ZC3H18: variants seen among roughly 807,000 people sequenced by gnomAD.
ZC3H18 encodes zinc finger CCCH domain-containing protein 18.
In ZC3H18, 8 loss-of-function variants were observed where a neutral mutation model predicts 106.1. The ratio of observed to expected loss-of-function variants is 0.08; its 90% CI spans 0.04 to 0.14. The LOEUF (loss-of-function observed/expected upper bound fraction) is 0.14, where lower values mean the gene tolerates loss of function less well. Among genes scored for constraint, ZC3H18 ranks in the 10% least tolerant of loss-of-function variants. The probability of loss-of-function intolerance (pLI) is 1.00; values close to 1 mark genes in which losing one functional copy is unlikely to be tolerated. For missense variants in ZC3H18, 1,318 were observed against 1,278.4 expected (o/e 1.03, Z -0.47); for synonymous variants, 635 against 522.1 (o/e 1.22, Z -2.95).
intron 6 of ZC3H18, among the ~76,000 whole-genome samples, chr16:88,607,810 G>A (rs930975550): frequency 2.6e-5 from 4 of 151,726 alleles, no homozygotes; most frequent in African/African-American, 7.3e-5. Flanking sequence ...TTCATGTCAG[G>A]CGTCTCCCCA....
intron 1 of ZC3H18, among the ~76,000 whole-genome samples, chr16:88,575,010 T>A (rs1209665674): frequency 2.6e-5 from 4 of 151,014 alleles, no homozygotes; most frequent in Non-Finnish European, 3.0e-5. Flanking sequence ...TTTGTATATT[T>A]AGTAGAGACG....
intron 8 of ZC3H18, among the ~76,000 whole-genome samples, chr16:88,619,196 G>T (rs1050124043): frequency 3.9e-5 from 6 of 152,102 alleles, no homozygotes; most frequent in African/African-American, 1.4e-4. Flanking sequence ...GCAGGAGAAT[G>T]GCATGAGGCA....
chr16:88,607,729 A>C (rs748839811), intron 6 of ZC3H18, among the ~76,000 whole-genome samples: 1 of 139,772 alleles, frequency 7.2e-6, no homozygotes, highest in African/African-American at 2.8e-5. Context: ...CACACACTTC[A>C]TGTCTCTCAG....
chr16:88,627,806 T>A lies in ZC3H18; in HGVS notation c.2269+24T>A. The A allele has an allele frequency of 6.2e-7, 1 of 1,609,840 alleles. No individual in the cohort carries two copies. The highest frequency in any genetic ancestry group is 1.1e-5 in the South Asian group (1 of 90,994). ...AGGTACTCAGGAGCCCTGGTACCTT[T>A]GGGGAGCAGCTCCCGGGGGAGGAGG... On this transcript the variant is annotated intron_variant, in intron 14 of 17. Transcript: ENST00000301011. The surrounding 1 kb of genome is among the most constrained non-coding windows in gnomAD (Gnocchi z 4.5).
chr16:88,602,401 G>T (rs1267069570), intron 6 of ZC3H18, among the ~76,000 whole-genome samples: 1 of 152,244 alleles, frequency 6.6e-6, no homozygotes, highest in African/African-American at 2.4e-5. Context: ...CACAGGTGAG[G>T]AGAGTGCAAC....
intron 16 of ZC3H18, among the ~76,000 whole-genome samples, chr16:88,629,979 C>T (rs1333503364): frequency 2.0e-5 from 3 of 152,238 alleles, no homozygotes; most frequent in Non-Finnish European, 4.4e-5. Context: ...CTGGAACAGC[C>T]TTGCTGCCCT....
intron 6 of ZC3H18, 130 bp from the exon 7 acceptor site, chr16:88,608,804 C>A (rs1905135841): frequency 3.0e-6 from 2 of 668,450 alleles, no homozygotes; most frequent in Non-Finnish European, 5.1e-6. Flanking sequence ...TAACCTTGAG[C>A]CAACCTTGCG....
rs549153636 is a variant in ZC3H18 at position 88,581,137 on chromosome 16, CTT to C, written c.603+3415_603+3416del. On this transcript the variant is annotated intron_variant, in intron 2 of 17. Transcript: ENST00000301011. ...GCCGTTTGATTTGGCATTCTTTTCTCTTTTTCTTAGTTTTGATTTTTAATTTT... is the reference window on the plus strand; with the variant it reads ...GCCGTTTGATTTGGCATTCTTTTCTCTTTCTTAGTTTTGATTTTTAATTTT... Among the ~76,000 whole-genome samples the C allele has an allele frequency of 4.1e-3, 630 of 152,308 alleles. 5 individuals are homozygous for C. The highest frequency in any genetic ancestry group is 6.3e-3 in the Non-Finnish European group (427 of 68,032).
chr16:88,618,775 A>G (rs533623260), intron 8 of ZC3H18, among the ~76,000 whole-genome samples: 16 of 152,220 alleles, frequency 1.1e-4, no homozygotes, highest in Admixed American at 9.2e-4. Flanking sequence ...GTCAGAGGTC[A>G]TCTGGAGGGT....
chr16:88,586,423 G>A (rs1049209196), intron 2 of ZC3H18, among the ~76,000 whole-genome samples, 177 bp from the exon 3 acceptor site: 3 of 152,178 alleles, frequency 2.0e-5, no homozygotes, highest in Non-Finnish European at 2.9e-5. Context: ...TGCCGGGCAC[G>A]CTCTGATCAT....
Position 88,570,441 on chromosome 16 carries a change from C to G in ZC3H18, c.-140C>G, listed in dbSNP as rs1009251443. The G allele has an allele frequency of 3.3e-5, 5 of 152,048 alleles. No individual in the cohort carries two copies. The highest frequency in any genetic ancestry group is 7.4e-5 in the Non-Finnish European group (5 of 67,988). The allele number at this position is 152,048 out of a possible 1,614,324, so 9.4% of individuals were successfully genotyped here. ...GGCCGGCCCCCGCGGGTAGTGGAGCCCGTTTGTTCCGCCCGTGTCGAGCCT... is the reference window on the plus strand; with the variant it reads ...GGCCGGCCCCCGCGGGTAGTGGAGCGCGTTTGTTCCGCCCGTGTCGAGCCT... On this transcript the variant is annotated 5_prime_UTR_variant, in exon 1 of 18. Coordinates refer to ENST00000301011, the MANE Select transcript of ZC3H18 (RefSeq NM_144604.4).
At chr16:88,591,364 G>A (rs1312718079) in intron 3 of ZC3H18, among the ~76,000 whole-genome samples, 1 of 152,144 alleles carries the variant, frequency 6.6e-6, no homozygotes, top group African/African-American at 2.4e-5. Context: ...CTCAAGGTTA[G>A]GAGTTCGAGA....
At chr16:88,600,566 A>G (rs1473714646) in intron 6 of ZC3H18, among the ~76,000 whole-genome samples, 1 of 152,168 alleles carries the variant, frequency 6.6e-6, no homozygotes, top group African/African-American at 2.4e-5. Context: ...GGTGTCTGCT[A>G]CCACACCCAA....
chr16:88,598,112 C>A, intron 3 of ZC3H18, 66 bp from the exon 4 acceptor site: 1 of 377,722 alleles, frequency 2.6e-6, no homozygotes, highest in East Asian at 1.2e-4. Flanking sequence ...ACCCCCCACC[C>A]CAGCAGCTGC....
At chr16:88,622,477 C>A in intron 9 of ZC3H18, 89 bp downstream of exon 9, 4 of 1,388,530 alleles carry the variant, frequency 2.9e-6, no homozygotes, top group African/African-American at 2.9e-5. Flanking sequence ...GTGGGGAACA[C>A]CCCAGCCCCA....
Position 88,623,342 on chromosome 16 carries a change from C to T in ZC3H18, c.1791C>T (p.Ser597=). ...SRHSSFSGSR[S]RSRSFSSSPS... is the part of the protein sequence containing the mutation. ...ACAGCTCGTTCTCAGGAAGCCGGTCCAGGTATGTCCCCAGGGCCCATGAAG... is the reference window on the plus strand; with the variant it reads ...ACAGCTCGTTCTCAGGAAGCCGGTCTAGGTATGTCCCCAGGGCCCATGAAG... The change falls in exon 10 of 18, where the codon TCC becomes TCT. Residue 597 remains serine (S), a splice_region_variant and synonymous_variant. Transcript: ENST00000301011. 1 of 1,613,180 alleles carries T rather than the reference C, an allele frequency of 6.2e-7. No individual in the cohort carries two copies. Among genetic ancestry groups the T allele is most frequent in the East Asian group, 2.2e-5 (1 of 44,878 alleles).
At chr16:88,591,945 C>A (rs1213795417) in intron 3 of ZC3H18, among the ~76,000 whole-genome samples, 2 of 151,932 alleles carry the variant, frequency 1.3e-5, no homozygotes, top group African/African-American at 4.8e-5. Context: ...TTTCTGATGA[C>A]CTGGTGGTTG....
chr16:88,590,420 A>G (rs986342684), intron 3 of ZC3H18, among the ~76,000 whole-genome samples: 10 of 152,152 alleles, frequency 6.6e-5, no homozygotes, highest in Admixed American at 5.9e-4. Flanking sequence ...CACAGCACAT[A>G]CACTACAACT....
chr16:88,575,143 A>C (rs1332956818), intron 1 of ZC3H18, among the ~76,000 whole-genome samples: 1 of 148,774 alleles, frequency 6.7e-6, no homozygotes, highest in Non-Finnish European at 1.5e-5. Flanking sequence ...ATGTGTACTT[A>C]ATCTTAATGA....
Sources: gnomAD v4.1 joint callset for allele counts (sites outside exome capture counted in the v4.1 genomes callset) on GRCh38, gnomAD v4.1.1 for gene constraint, Gnocchi (gnomAD v3.1) non-coding constraint, MANE v1.5 for transcripts, NCBI Gene and HGNC (gene_info 2026-07-23, HGNC 2026-07-21) for gene names.